Variants in SZT2 observed in about 807,000 individuals in gnomAD.
SZT2 encodes the protein KICSTOR complex protein SZT2.
Under a neutral mutation model 404.2 loss-of-function variants are expected in SZT2, and 216 were observed. The ratio of observed to expected loss-of-function variants is 0.53; its 90% CI spans 0.48 to 0.60. SZT2 has a LOEUF of 0.60. Among genes scored for constraint, SZT2 ranks in the 20% least tolerant of loss-of-function variants. The pLI is 0.00. For synonymous variants in SZT2, 1,693 were observed against 1,749.9 expected (o/e 0.97, Z 0.81); for missense variants, 3,857 against 4,459.2 (o/e 0.86, Z 3.85).
chr1:43,406,301 T>C, intron 4 of SZT2: 1 of 270,320 alleles, frequency 3.7e-6, no homozygotes, highest in Non-Finnish European at 7.4e-6. Context: ...TTTCACCATG[T>C]TGGCCAGGCT....
rs1416670357 is a variant in SZT2, at chr1:43,424,043, C to T, written c.2256-174C>T. 6.7e-6 allele frequency among the ~76,000 whole-genome samples: 1 copy of T among 149,914 alleles called. No individual in the cohort carries two copies. The highest frequency in any genetic ancestry group is 1.5e-5 in the Non-Finnish European group (1 of 67,532). The stretch of plus-strand genomic sequence containing the variant: ...GGTACAGAGGTGTGGAAGGGCGTGG[C>T]TTAGCCGGGTATGAGTGGTACAGAG... On this transcript the variant is annotated intron_variant, in intron 15 of 71. Transcript: ENST00000634258. The surrounding 1 kb of genome is among the most constrained non-coding windows in gnomAD (Gnocchi z 4.1).
rs1466843913 is a variant in SZT2 at position 43,453,801 on chromosome 1, G to GAGGCC, written c.*3322_*3326dup. On this transcript the variant is annotated 3_prime_UTR_variant, in exon 72 of 72. Coordinates refer to ENST00000634258, the MANE Select transcript of SZT2 (RefSeq NM_001365999.1). ...GAAGCGCAGCGGCGCCATGCCTGGG[G>GAGGCC]AGGCCGGGCCGGGCGGAGTCCGCGG... The GAGGCC allele has an allele frequency of 3.2e-6, 4 of 1,264,110 alleles. No individual in the cohort carries two copies. The highest frequency in any genetic ancestry group is 3.1e-5 in the South Asian group (1 of 32,262). The allele number at this position is 1,264,110 out of a possible 1,614,324, so 78.3% of individuals were successfully genotyped here.
In SZT2 at chr1:43,404,696, GTCTC is replaced by G. The variant is rs955686163; in HGVS notation, c.498+153_498+156del. The G allele has an allele frequency of 2.3e-5, 18 of 768,276 alleles. No individual in the cohort carries two copies. In the African/African-American group the frequency reaches 3.1e-4, roughly 13 times the overall value. The allele number at this position is 768,276 out of a possible 1,614,324, so 47.6% of individuals were successfully genotyped here. On this transcript the variant is annotated intron_variant, in intron 4 of 71. Coordinates refer to ENST00000634258, the MANE Select transcript of SZT2 (RefSeq NM_001365999.1). Reference sequence around the variant, plus strand: ...ACCTGTTTTCTAGTCATCCTCATGAGTCTCTCTCTCCTTGAGAAGAACCAGTTCC... The same window carrying G: ...ACCTGTTTTCTAGTCATCCTCATGAGTCTCTCCTTGAGAAGAACCAGTTCC...
At position 43,431,204 on chromosome 1, in the gene SZT2, A is replaced by G; in HGVS notation, c.4917-61A>G. On this transcript the variant is annotated intron_variant, in intron 33 of 71. Coordinates refer to ENST00000634258, the MANE Select transcript of SZT2 (RefSeq NM_001365999.1). ...ACCTTGAGGAGTCCAAGAATGAAGT[A>G]AGGAGGAGGCCCTGGTAGGATAGTA... 1.9e-6 allele frequency: 3 copies of G among 1,559,524 alleles called. No individual in the cohort carries two copies. In the South Asian group the frequency reaches 3.6e-5, roughly 19 times the overall value.
chr1:43,441,666 G>T lies in SZT2; in HGVS notation c.7610-20G>T. 1 of 1,614,086 alleles carries T rather than the reference G, an allele frequency of 6.2e-7. No individual in the cohort carries two copies. The highest frequency in any genetic ancestry group is 8.5e-7 in the Non-Finnish European group (1 of 1,179,988). The stretch of plus-strand genomic sequence containing the variant: ...CTGGTCTCCATCCTGCAGCTCCACA[G>T]TGACTCCTCTGCCTCCTAGGTTGTG... On this transcript the variant is annotated intron_variant, in intron 54 of 71. Transcript: ENST00000634258. The surrounding 1 kb of genome is among the most constrained non-coding windows in gnomAD (Gnocchi z 4.8).
chr1:43,416,826 T>C (rs1302490206), intron 7 of SZT2, among the ~76,000 whole-genome samples, 185 bp downstream of exon 7: 1 of 152,198 alleles, frequency 6.6e-6, no homozygotes, highest in Non-Finnish European at 1.5e-5. Context: ...TTTTCCTCTT[T>C]CCTTAGGATT....
chr1:43,432,157 G>C (rs948029981), intron 36 of SZT2, 115 bp from the exon 37 acceptor site: 7 of 1,201,832 alleles, frequency 5.8e-6, no homozygotes, highest in Non-Finnish European at 8.2e-6. Context: ...TCAGCAGTGG[G>C]GATGCCAGCA....
At chr1:43,394,502 C>G (rs1055477950) in intron 1 of SZT2, among the ~76,000 whole-genome samples, 3 of 152,198 alleles carry the variant, frequency 2.0e-5, no homozygotes, top group Admixed American at 6.5e-5. Flanking sequence ...AAACACCATT[C>G]TAGCTGCTTA....
Position 43,453,458 on chromosome 1 carries a change from G to A in SZT2, c.*2978G>A, listed in dbSNP as rs1415041872. ...CTCTCGGAAGGCCGCCTGTCTCCCG[G>A]GGACGGCCCCCAGCCCCATTTCCCC... On this transcript the variant is annotated 3_prime_UTR_variant, in exon 72 of 72. Transcript: ENST00000634258. 1 of 1,563,790 alleles carries A rather than the reference G, an allele frequency of 6.4e-7. No homozygotes were observed. Among genetic ancestry groups the A allele is most frequent in the East Asian group, 2.4e-5 (1 of 41,514 alleles).
At chr1:43,445,078 C>T (rs767692475) in intron 62 of SZT2, among the ~76,000 whole-genome samples, 2 of 152,184 alleles carry the variant, frequency 1.3e-5, no homozygotes, top group Non-Finnish European at 2.9e-5. Context: ...AGCTTGCTAT[C>T]TTGACAGCCA....
chr1:43,438,904 C>T (rs1654753945), intron 47 of SZT2, 25 bp from the exon 48 acceptor site: 4 of 1,613,968 alleles, frequency 2.5e-6, no homozygotes, highest in African/African-American at 1.3e-5. Context: ...GCATTCAGCT[C>T]TGCCCTCTTC....
At chr1:43,397,997 G>A (rs971294827) in intron 1 of SZT2, among the ~76,000 whole-genome samples, 1 of 152,162 alleles carries the variant, frequency 6.6e-6, no homozygotes, top group Non-Finnish European at 1.5e-5. Flanking sequence ...AGGTGACCAC[G>A]TGCCCAACTC....
At chr1:43,406,695 G>A (rs1162902981) in intron 4 of SZT2, 1 of 152,244 alleles carries the variant, frequency 6.6e-6, no homozygotes, top group Admixed American at 6.5e-5. Flanking sequence ...AGTTCAGTGT[G>A]GAGGATAAGA....
intron 41 of SZT2, 104 bp downstream of exon 41, chr1:43,434,589 T>C: frequency 9.4e-7 from 1 of 1,060,200 alleles, no homozygotes; most frequent in Non-Finnish European, 1.4e-6. Flanking sequence ...GAATCAATAA[T>C]TATGGAAAGT....
chr1:43,452,678 T>C lies in SZT2; in HGVS notation c.*2198T>C. ...TCCATGCTGCTGTCTCTACTTCCTC[T>C]CCTCGCATCTACTTAGCCTTTTCCC... On this transcript the variant is annotated 3_prime_UTR_variant, in exon 72 of 72. Coordinates refer to ENST00000634258, the MANE Select transcript of SZT2 (RefSeq NM_001365999.1). 1 of 604,182 alleles carries C rather than the reference T, an allele frequency of 1.7e-6. No homozygotes were observed. The highest frequency in any genetic ancestry group is 2.9e-6 in the Non-Finnish European group (1 of 339,446). The allele number at this position is 604,182 out of a possible 1,614,324, so 37.4% of individuals were successfully genotyped here.
In SZT2 at chr1:43,415,982, C is replaced by T. The variant is rs376862612; in HGVS notation, c.653C>T (p.Ser218Leu). The T allele has an allele frequency of 2.0e-5, 32 of 1,597,922 alleles. No homozygotes were observed. In the African/African-American group the frequency reaches 4.0e-4, roughly 20 times the overall value. ...CAGGCAGAAGACCAGTCCCCAGACT[C>T]AGGGGACCTACTGGGCCGGAAGGTA... Reference protein sequence around the residue: ...QSQAEDQSPDSGDLLGRKVGV... With the variant: ...QSQAEDQSPDLGDLLGRKVGV... The change falls in exon 6 of 72, where the codon TCA becomes TTA. Residue 218 changes from serine (S) to leucine (L), a missense_variant. By Grantham distance (145) the Ser-to-Leu change is moderately radical. This residue lies in a region of SZT2 where 536 missense variants were observed against 637.4 expected (regional missense o/e 0.84). Transcript: ENST00000634258.
In SZT2 at chr1:43,424,083, G is replaced by A. The variant is rs962612150; in HGVS notation, c.2256-134G>A. The A allele has an allele frequency of 2.7e-6, 2 of 729,262 alleles. No individual in the cohort carries two copies. The highest frequency in any genetic ancestry group is 4.6e-6 in the Non-Finnish European group (2 of 437,220). The allele number at this position is 729,262 out of a possible 1,614,324, so 45.2% of individuals were successfully genotyped here. A position where few individuals can be genotyped will look rare whatever the true frequency, so the allele number is the denominator to read the frequency against. ...GTGGTACAGAGGTGTGGAAGGGCGT[G>A]GCTTAGCCGGGTATCAGTGGTACAG... On this transcript the variant is annotated intron_variant, in intron 15 of 71. Transcript: ENST00000634258. This position sits in a 1 kb window ranked among gnomAD's most constrained non-coding sequence, Gnocchi z 4.1.
Position 43,448,140 on chromosome 1 carries a change from A to G in SZT2, c.9625A>G (p.Met3209Val). 1 of 1,609,400 alleles carries G rather than the reference A, an allele frequency of 6.2e-7. No individual in the cohort carries two copies. The highest frequency in any genetic ancestry group is 1.3e-5 in the African/African-American group (1 of 74,872). The stretch of plus-strand genomic sequence containing the variant: ...GCTCTTCCCCAGGCTCACTGCTGAC[A>G]TGCGCCGCTTCCGGAAGCCACCCAG... ...RELFPRLTAD[M>V]RRFRKPPRLP... The change falls in exon 69 of 72, where the codon ATG becomes GTG. Residue 3209 changes from methionine (M) to valine (V), a missense_variant. Coordinates refer to ENST00000634258, the MANE Select transcript of SZT2 (RefSeq NM_001365999.1). The surrounding 1 kb of genome is among the most constrained non-coding windows in gnomAD (Gnocchi z 4.2).
At chr1:43,403,828 G>A in intron 3 of SZT2, 54 bp downstream of exon 3, 1 of 1,589,056 alleles carries the variant, frequency 6.3e-7, no homozygotes, top group African/African-American at 1.3e-5. Flanking sequence ...GGTGTGAGGA[G>A]AGGGAGAGGC....
Sources: allele counts gnomAD v4.1 joint callset (sites outside exome capture counted in the v4.1 genomes callset), GRCh38; gene constraint gnomAD v4.1.1; regional missense constraint gnomAD v4.1.1; non-coding constraint Gnocchi (gnomAD v3.1); transcripts MANE v1.5; gene names NCBI Gene and HGNC (gene_info 2026-07-23, HGNC 2026-07-21).